PCDHGB7: variants seen among roughly 807,000 people sequenced by gnomAD.
PCDHGB7 encodes protocadherin gamma subfamily B, 7.
Under a neutral mutation model 61.4 loss-of-function variants are expected in PCDHGB7, and 37 were observed. The ratio of observed to expected loss-of-function variants is 0.60; its 90% CI spans 0.46 to 0.79. The LOEUF (loss-of-function observed/expected upper bound fraction) is 0.79, where lower values mean the gene tolerates loss of function less well. Ranked by LOEUF, PCDHGB7 falls within the 30% of genes least tolerant of loss-of-function variation. The probability of loss-of-function intolerance (pLI) is 0.00; values close to 1 mark genes in which losing one functional copy is unlikely to be tolerated. For missense variants in PCDHGB7, 1,166 were observed against 1,202.5 expected (o/e 0.97, Z 0.45); for synonymous variants, 464 against 503.5 (o/e 0.92, Z 1.05).
At chr5:141,447,657 C>A (rs997179275) in intron 1 of PCDHGB7, among the ~76,000 whole-genome samples, 4 of 152,088 alleles carry the variant, frequency 2.6e-5, no homozygotes, top group Non-Finnish European at 4.4e-5. Context: ...TTTTCCCCCC[C>A]AGGAAGTTAG....
intron 1 of PCDHGB7, chr5:141,426,170 T>G (rs2096918811): frequency 6.4e-6 from 1 of 155,200 alleles, no homozygotes. Flanking sequence ...CCATACGGAT[T>G]GGGGTGCCCT....
rs1407016089 is a variant in PCDHGB7 at position 141,489,914 on chromosome 5, C to T, written c.2416-4893C>T. On this transcript the variant is annotated intron_variant, in intron 1 of 3. Coordinates refer to ENST00000398594, the MANE Select transcript of PCDHGB7 (RefSeq NM_018927.4). The surrounding 1 kb of genome is among the most constrained non-coding windows in gnomAD (Gnocchi z 4.5). Reference sequence around the variant, plus strand: ...GGGGGGACCCCAGCCCGCTCAGGGACCACCCTTATCTCTGTCATCGTGCTG... The same window carrying T: ...GGGGGGACCCCAGCCCGCTCAGGGATCACCCTTATCTCTGTCATCGTGCTG... 3 of 1,614,094 alleles carry T rather than the reference C, an allele frequency of 1.9e-6. No individual in the cohort carries two copies. Among genetic ancestry groups the T allele is most frequent in the African/African-American group, 2.7e-5 (2 of 74,936 alleles).
At chr5:141,500,452 G>C (rs554196222) in intron 2 of PCDHGB7, among the ~76,000 whole-genome samples, 1 of 151,506 alleles carries the variant, frequency 6.6e-6, no homozygotes, top group South Asian at 2.1e-4. Context: ...CTCGTGATCC[G>C]CCCGCCTCGG....
chr5:141,470,242 T>G (rs1301513342), intron 1 of PCDHGB7, among the ~76,000 whole-genome samples: 1 of 152,226 alleles, frequency 6.6e-6, no homozygotes, highest in African/African-American at 2.4e-5. Flanking sequence ...CCCTTGAATG[T>G]CCCACCTGTC....
chr5:141,438,641 C>CAT (rs2098042490), intron 1 of PCDHGB7, among the ~76,000 whole-genome samples: 2 of 79,354 alleles, frequency 2.5e-5, no homozygotes, highest in Non-Finnish European at 4.5e-5. Context: ...TATATACACA[C>CAT]ACACACACAC....
intron 3 of PCDHGB7, among the ~76,000 whole-genome samples, chr5:141,507,571 G>A (rs2099861692): frequency 6.6e-6 from 1 of 152,254 alleles, no homozygotes; most frequent in Non-Finnish European, 1.5e-5. Flanking sequence ...TGGGTCTGAG[G>A]AGATGCCAAG....
intron 1 of PCDHGB7, among the ~76,000 whole-genome samples, chr5:141,435,953 G>A (rs2097789156): frequency 6.6e-6 from 1 of 151,984 alleles, no homozygotes; most frequent in Non-Finnish European, 1.5e-5. Context: ...CAAAAAAGGG[G>A]GCAAAATATA....
chr5:141,491,253 T>C lies in PCDHGB7; in HGVS notation c.2416-3554T>C, dbSNP rs71583648. The C allele has an allele frequency of 2.3e-3, 3,639 of 1,614,176 alleles. 33 individuals carry two copies. The African/African-American group carries it at 0.026, about 11-fold the overall frequency. Reference sequence around the variant, plus strand: ...TGCTGGTTCTGGAGGATGAGGACCCTGAGGAAATGCCCAAATCCAGTGACT... The same window carrying C: ...TGCTGGTTCTGGAGGATGAGGACCCCGAGGAAATGCCCAAATCCAGTGACT... On this transcript the variant is annotated intron_variant, in intron 1 of 3. Coordinates refer to ENST00000398594, the MANE Select transcript of PCDHGB7 (RefSeq NM_018927.4). This position sits in a 1 kb window ranked among gnomAD's most constrained non-coding sequence, Gnocchi z 6.9.
At chr5:141,452,411 A>G (rs965622061) in intron 1 of PCDHGB7, among the ~76,000 whole-genome samples, 8 of 152,200 alleles carry the variant, frequency 5.3e-5, no homozygotes, top group African/African-American at 1.9e-4. Context: ...GGTGTGAGGT[A>G]TGCTCACTGC....
intron 1 of PCDHGB7, chr5:141,440,247 T>C (rs1158469276): frequency 1.3e-5 from 2 of 152,296 alleles, no homozygotes; most frequent in Non-Finnish European, 2.9e-5. Context: ...GGCGAGCAGA[T>C]TACGAGGTCA....
At chr5:141,460,616 TAGAC>T (rs533223594) in intron 1 of PCDHGB7, among the ~76,000 whole-genome samples, 44 of 152,232 alleles carry the variant, frequency 2.9e-4, no homozygotes, top group Middle Eastern at 3.4e-3. Context: ...GATGGATAGA[TAGAC>T]AGATACAGAT....
rs2099402935 is a variant in PCDHGB7, at chr5:141,476,991, G to A, written c.2416-17816G>A. On this transcript the variant is annotated intron_variant, in intron 1 of 3. Transcript: ENST00000398594. The surrounding 1 kb of genome is among the most constrained non-coding windows in gnomAD (Gnocchi z 7.6). ...GGCAGCCACAACCGCGCCGGCGTGC[G>A]GCAACTATTCGCCTTAGACCTTGTA... 4 of 1,614,094 alleles carry A rather than the reference G, an allele frequency of 2.5e-6. No homozygotes were observed. Among genetic ancestry groups the A allele is most frequent in the Non-Finnish European group, 3.4e-6 (4 of 1,180,056 alleles).
chr5:141,460,726 A>G lies in PCDHGB7; in HGVS notation c.2416-34081A>G, dbSNP rs545089217. ...GAGAATAAACTATTGTTATAAGCAT[A>G]TATACACATTGTATATATATGTGTA... On this transcript the variant is annotated intron_variant, in intron 1 of 3. Coordinates refer to ENST00000398594, the MANE Select transcript of PCDHGB7 (RefSeq NM_018927.4). Among the ~76,000 whole-genome samples the G allele has an allele frequency of 6.6e-5, 10 of 152,252 alleles. No homozygotes were observed. In the East Asian group the frequency reaches 1.9e-3, roughly 29 times the overall value.
At chr5:141,479,273 T>G (rs1723290487) in intron 1 of PCDHGB7, 1 of 152,386 alleles carries the variant, frequency 6.6e-6, no homozygotes, top group South Asian at 2.1e-4. Context: ...AGTAATAATT[T>G]ATTTCAAAAA....
Position 141,476,437 on chromosome 5 carries a change from TCTGGAGTTGGTAGTGGAGAACCC to T in PCDHGB7, c.2416-18369_2416-18347del. ...GGACACTGCCCTCTTGCACTGTAAC[TCTGGAGTTGGTAGTGGAGAACCC>T]GCTGGAGCTGTTCAGCGTGGAAGTG... On this transcript the variant is annotated intron_variant, in intron 1 of 3. Transcript: ENST00000398594. The surrounding 1 kb of genome is among the most constrained non-coding windows in gnomAD (Gnocchi z 7.6). 1 of 1,614,004 alleles carries T rather than the reference TCTGGAGTTGGTAGTGGAGAACCC, an allele frequency of 6.2e-7. No individual in the cohort carries two copies. The highest frequency in any genetic ancestry group is 2.2e-5 in the East Asian group (1 of 44,836).
At position 141,476,923 on chromosome 5, in the gene PCDHGB7, G is replaced by A. The variant is rs368207814; in HGVS notation, c.2416-17884G>A. On this transcript the variant is annotated intron_variant, in intron 1 of 3. Transcript: ENST00000398594. This position sits in a 1 kb window ranked among gnomAD's most constrained non-coding sequence, Gnocchi z 7.6. ...CGCGCGTGGTACAAGTCCTTGCAAC[G>A]GATCTGGATGAAGGCCCCAACGGTG... The A allele has an allele frequency of 5.0e-6, 8 of 1,614,024 alleles. No individual in the cohort carries two copies. Among genetic ancestry groups the A allele is most frequent in the African/African-American group, 4.0e-5 (3 of 74,952 alleles).
intron 1 of PCDHGB7, among the ~76,000 whole-genome samples, chr5:141,445,597 G>T (rs2098471988): frequency 6.6e-6 from 1 of 152,200 alleles, no homozygotes; most frequent in African/African-American, 2.4e-5. Context: ...TAATCTGAAG[G>T]TCAAGGAAGG....
chr5:141,489,275 A>C lies in PCDHGB7; in HGVS notation c.2416-5532A>C. On this transcript the variant is annotated intron_variant, in intron 1 of 3. Transcript: ENST00000398594. This position sits in a 1 kb window ranked among gnomAD's most constrained non-coding sequence, Gnocchi z 4.5. ...AAGACACTCCCACAGCTCGCTGGGA[A>C]ATGGCAAGTGCTGTGCATGTTGTCC... The C allele has an allele frequency of 4.5e-6, 7 of 1,556,298 alleles. No individual in the cohort carries two copies. Among genetic ancestry groups the C allele is most frequent in the Non-Finnish European group, 6.1e-6 (7 of 1,151,600 alleles).
Position 141,420,177 on chromosome 5 carries a change from A to G in PCDHGB7, c.2318A>G (p.His773Arg), listed in dbSNP as rs1188698450. The G allele has an allele frequency of 2.5e-6, 4 of 1,613,992 alleles. No homozygotes were observed. Among genetic ancestry groups the G allele is most frequent in the South Asian group, 2.2e-5 (2 of 91,086 alleles). ...PEFNFFTSVD[H>R]CPATQDNLNK... ...TTTAATTTTTTCACATCTGTTGATC[A>G]TTGTCCAGCCACACAAGATAACCTC... Residue 773 changes from histidine (H) to arginine (R), a missense_variant, in exon 1 of 4, where the codon CAT becomes CGT. By Grantham distance (29) the His-to-Arg change is conservative. Coordinates refer to ENST00000398594, the MANE Select transcript of PCDHGB7 (RefSeq NM_018927.4).
Sources: allele counts gnomAD v4.1 joint callset (sites outside exome capture counted in the v4.1 genomes callset), GRCh38; gene constraint gnomAD v4.1.1; non-coding constraint Gnocchi (gnomAD v3.1); transcripts MANE v1.5; gene names NCBI Gene and HGNC (gene_info 2026-07-23, HGNC 2026-07-21).